The following FRMD3 variants were observed in gnomAD, a reference collection of about 807,000 sequenced individuals.
FRMD3 encodes FERM domain-containing protein 3.
In FRMD3, 33 loss-of-function variants were observed where a neutral mutation model predicts 70.2. That is an observed-to-expected ratio of 0.47 (90% CI 0.36 to 0.63). The LOEUF (loss-of-function observed/expected upper bound fraction) is 0.63. Among genes scored for constraint, FRMD3 ranks in the 20% least tolerant of loss-of-function variants. The pLI, the probability that FRMD3 is intolerant of heterozygous loss-of-function variation, is 0.00. For synonymous variants in FRMD3, 279 were observed against 255.9 expected (o/e 1.09, Z -0.86); for missense variants, 632 against 711.4 (o/e 0.89, Z 1.27).
intron 10 of FRMD3, among the ~76,000 whole-genome samples, chr9:83,301,281 G>T (rs1179920996): frequency 1.3e-5 from 2 of 152,056 alleles, no homozygotes. Context: ...GCCTGCTCTG[G>T]GTCCATCTGC....
chr9:83,388,310 G>T (rs565389504), intron 2 of FRMD3, among the ~76,000 whole-genome samples: 17 of 152,308 alleles, frequency 1.1e-4, no homozygotes, highest in African/African-American at 4.1e-4. Context: ...AGGTGTGGGG[G>T]TGGAAAGAGG....
chr9:83,468,169 T>G (rs995420921), intron 1 of FRMD3, among the ~76,000 whole-genome samples: 10 of 152,228 alleles, frequency 6.6e-5, no homozygotes, highest in African/African-American at 2.2e-4. Flanking sequence ...GAAATTAAAT[T>G]ACAGGTTTTA....
At chr9:83,439,238 C>T (rs1291908908) in intron 1 of FRMD3, among the ~76,000 whole-genome samples, 2 of 152,226 alleles carry the variant, frequency 1.3e-5, no homozygotes, top group Admixed American at 1.3e-4. Context: ...GGATAGGGTC[C>T]ATACAGGCTC....
chr9:83,389,490 G>A, intron 2 of FRMD3, 114 bp downstream of exon 2: 2 of 712,016 alleles, frequency 2.8e-6, no homozygotes, highest in South Asian at 1.6e-5. Flanking sequence ...GGTTTCATGT[G>A]CCCAATAATC....
At chr9:83,338,050 C>A (rs1434594993) in intron 5 of FRMD3, among the ~76,000 whole-genome samples, 1 of 152,030 alleles carries the variant, frequency 6.6e-6, no homozygotes, top group Non-Finnish European at 1.5e-5. Context: ...GAAGAAATCC[C>A]TACATATCAT....
chr9:83,468,246 T>G (rs953876303), intron 1 of FRMD3, among the ~76,000 whole-genome samples: 3 of 152,250 alleles, frequency 2.0e-5, no homozygotes, highest in South Asian at 2.1e-4. Context: ...CATTCCTTTC[T>G]TACAAACTTT....
chr9:83,403,217 T>G (rs1036185646), intron 1 of FRMD3, among the ~76,000 whole-genome samples: 1 of 151,962 alleles, frequency 6.6e-6, no homozygotes, highest in East Asian at 1.9e-4. Context: ...CTCTCAATTG[T>G]CAAAAACTCC....
At chr9:83,580,791 G>A in the FRMD3 span, among the ~76,000 whole-genome samples, 5 of 152,018 alleles carry the variant, frequency 3.3e-5, no homozygotes, top group African/African-American at 1.2e-4. Context: ...TATCAAGTAA[G>A]GTGATGGTTA....
chr9:83,467,832 C>G, intron 1 of FRMD3: 1 of 1,392,084 alleles, frequency 7.2e-7, no homozygotes, highest in Admixed American at 3.0e-5. Flanking sequence ...ATTTCTGTCA[C>G]AGTAAATAGG....
At chr9:83,321,842 T>G (rs1835814363) in intron 6 of FRMD3, among the ~76,000 whole-genome samples, 1 of 152,184 alleles carries the variant, frequency 6.6e-6, no homozygotes, top group Non-Finnish European at 1.5e-5. Flanking sequence ...ATCTGTTTTT[T>G]GAATGGGGGT....
chr9:83,365,845 C>T (rs868110220), intron 3 of FRMD3, among the ~76,000 whole-genome samples: 2 of 152,228 alleles, frequency 1.3e-5, no homozygotes, highest in South Asian at 4.2e-4. Context: ...TCCTGCCTGT[C>T]CCAGAGGTGA....
At chr9:83,462,137 G>A (rs920117334) in intron 1 of FRMD3, among the ~76,000 whole-genome samples, 6 of 152,212 alleles carry the variant, frequency 3.9e-5, no homozygotes, top group Non-Finnish European at 8.8e-5. Context: ...AAGGAAGTTA[G>A]ATTAGGTGAA....
intron 13 of FRMD3, among the ~76,000 whole-genome samples, chr9:83,280,928 A>C (rs1216607624): frequency 6.6e-6 from 1 of 152,194 alleles, no homozygotes; most frequent in Non-Finnish European, 1.5e-5. Flanking sequence ...TCCTCTGTTT[A>C]CAGCATTGAG....
intron 1 of FRMD3, among the ~76,000 whole-genome samples, chr9:83,395,807 A>G (rs558953862): frequency 6.6e-6 from 1 of 152,220 alleles, no homozygotes; most frequent in Admixed American, 6.5e-5. Flanking sequence ...TCAGTCCCCA[A>G]TTCCTAAAAC....
chr9:83,441,967 A>G (rs1434236277), intron 1 of FRMD3, among the ~76,000 whole-genome samples: 1 of 152,220 alleles, frequency 6.6e-6, no homozygotes, highest in African/African-American at 2.4e-5. Context: ...CTGAATAAAT[A>G]TAATCTGTTT....
At chr9:83,528,538 A>ATT (rs201079652) in intron 1 of FRMD3, among the ~76,000 whole-genome samples, 2 of 147,542 alleles carry the variant, frequency 1.4e-5, no homozygotes, top group Admixed American at 1.4e-4. Flanking sequence ...TAAACCAGCA[A>ATT]TTTTTTTTTT....
chr9:83,411,100 A>C (rs950675515), intron 1 of FRMD3, among the ~76,000 whole-genome samples: 10 of 152,214 alleles, frequency 6.6e-5, no homozygotes, highest in Admixed American at 3.9e-4. Flanking sequence ...TAGGGCTGGA[A>C]CATCACCTGC....
At chr9:83,514,170 C>T (rs1055660555) in intron 1 of FRMD3, among the ~76,000 whole-genome samples, 5 of 152,178 alleles carry the variant, frequency 3.3e-5, no homozygotes, top group African/African-American at 1.2e-4. Flanking sequence ...TCTTGCTCAG[C>T]GGATCCCACC....
chr9:83,576,237 G>A, the FRMD3 span, among the ~76,000 whole-genome samples: 1 of 151,956 alleles, frequency 6.6e-6, no homozygotes, highest in Non-Finnish European at 1.5e-5. Flanking sequence ...GATTGGTTTT[G>A]TAGCCAAAAA....
Sources: allele counts gnomAD v4.1 joint callset (sites outside exome capture counted in the v4.1 genomes callset), GRCh38; gene constraint gnomAD v4.1.1; transcripts MANE v1.5; gene names NCBI Gene and HGNC (gene_info 2026-07-23, HGNC 2026-07-21).